Variants in PTPRS observed in about 807,000 individuals in gnomAD.
The protein encoded by PTPRS is protein tyrosine phosphatase receptor type S.
PTPRS carries 63 observed loss-of-function variants against 215.3 expected under a neutral mutation model. That is an observed-to-expected ratio of 0.29 (90% CI 0.24 to 0.36). The LOEUF is 0.36. PTPRS is among the 10% of genes least tolerant of loss of function. The probability of loss-of-function intolerance (pLI) is 1.00; values close to 1 mark genes in which losing one functional copy is unlikely to be tolerated. For synonymous variants in PTPRS, 1,404 were observed against 1,191.4 expected (o/e 1.18, Z -3.68); for missense variants, 2,258 against 2,825.8 (o/e 0.80, Z 4.56).
intron 1 of PTPRS, 25 bp downstream of exon 1, chr19:5,340,638 GA>G (rs1451491976): frequency 1.4e-5 from 2 of 141,866 alleles, no homozygotes; most frequent in East Asian, 4.2e-4. Flanking sequence ...TCTAATCCAT[GA>G]TTTTATTTTT....
intron 9 of PTPRS, among the ~76,000 whole-genome samples, chr19:5,250,683 G>T (rs1374506229): frequency 2.0e-5 from 3 of 150,444 alleles, no homozygotes; most frequent in Non-Finnish European, 3.0e-5. Flanking sequence ...GGCAGGTTGT[G>T]GGGGGTGGTC....
At position 5,220,991 on chromosome 19, in the gene PTPRS, T is replaced by G; in HGVS notation, c.3455+9A>C. ...TGACAAGGAACCCGGAGCATGGGGG[T>G]GAGCATACTGGACAGGCACGGGGCT... On this transcript the variant is annotated intron_variant, in intron 20 of 37. Transcript: ENST00000262963. 2 of 1,596,862 alleles carry G rather than the reference T, an allele frequency of 1.3e-6. No homozygotes were observed. The highest frequency in any genetic ancestry group is 1.7e-6 in the Non-Finnish European group (2 of 1,169,472).
chr19:5,297,603 T>C (rs577882194), intron 1 of PTPRS, among the ~76,000 whole-genome samples: 20 of 152,148 alleles, frequency 1.3e-4, no homozygotes, highest in Admixed American at 5.9e-4. Context: ...TAAACCACAC[T>C]GCAAGGCTGC....
intron 25 of PTPRS, among the ~76,000 whole-genome samples, chr19:5,218,176 A>G (rs1266559971): frequency 1.3e-5 from 2 of 151,104 alleles, no homozygotes; most frequent in Admixed American, 6.6e-5. Context: ...TGAAGAGGAC[A>G]GCAGCCATTG....
chr19:5,256,042 G>A, intron 9 of PTPRS, 66 bp downstream of exon 9: 1 of 1,413,094 alleles, frequency 7.1e-7, no homozygotes, highest in Non-Finnish European at 9.8e-7. Flanking sequence ...TTTTGTGTGT[G>A]TGCGTGTCAT....
At chr19:5,254,364 T>G (rs1222983672) in intron 9 of PTPRS, among the ~76,000 whole-genome samples, 11 of 151,788 alleles carry the variant, frequency 7.2e-5, no homozygotes, top group Non-Finnish European at 5.9e-5. Flanking sequence ...CAACATCGTC[T>G]AAACGGGGTA....
chr19:5,296,583 A>G (rs1206752060), intron 1 of PTPRS, among the ~76,000 whole-genome samples: 4 of 152,088 alleles, frequency 2.6e-5, no homozygotes, highest in African/African-American at 9.7e-5. Flanking sequence ...AGGTGAGAGA[A>G]AGTGAAAGAG....
intron 35 of PTPRS, 86 bp from the exon 36 acceptor site, chr19:5,208,477 T>TTTTG (rs375465291): frequency 2.2e-5 from 29 of 1,298,292 alleles, no homozygotes; most frequent in Non-Finnish European, 2.8e-5. Context: ...CACCCCCATT[T>TTTTG]TTTGTTTGTT....
chr19:5,331,998 G>A (rs76372195), intron 1 of PTPRS, among the ~76,000 whole-genome samples: 2,911 of 152,218 alleles, frequency 0.019, 88 homozygotes, highest in African/African-American at 0.066. Context: ...TGAGGCCCGC[G>A]GACGGCAATG....
intron 5 of PTPRS, 29 bp from the exon 6 acceptor site, chr19:5,263,001 AAG>A: frequency 6.5e-7 from 1 of 1,549,510 alleles, no homozygotes; most frequent in Admixed American, 1.9e-5. Flanking sequence ...AGGATAAGAA[AAG>A]AGAACAGGAA....
chr19:5,214,513 G>A (rs1266605898), intron 29 of PTPRS, 33 bp from the exon 30 acceptor site: 3 of 1,613,250 alleles, frequency 1.9e-6, no homozygotes, highest in Admixed American at 3.3e-5. Flanking sequence ...TGTCAGCAGG[G>A]ACAGGCTGAC....
At chr19:5,229,217 C>A in intron 16 of PTPRS, 99 bp downstream of exon 16, 1 of 1,239,172 alleles carries the variant, frequency 8.1e-7, no homozygotes, top group African/African-American at 1.6e-5. Context: ...AGGAGGAGAC[C>A]GTTTTACTAC....
chr19:5,277,745 C>CA, intron 2 of PTPRS: 3 of 691,554 alleles, frequency 4.3e-6, no homozygotes, highest in Non-Finnish European at 8.0e-6. Flanking sequence ...TGGCCGCCCT[C>CA]AGACTCCTCA....
intron 14 of PTPRS, among the ~76,000 whole-genome samples, chr19:5,230,589 C>A (rs374003006): frequency 1.9e-4 from 29 of 152,320 alleles, no homozygotes; most frequent in African/African-American, 6.7e-4. Flanking sequence ...TCTTGAGTAG[C>A]TGAGACTACA....
chr19:5,281,610 T>C (rs963985295), intron 2 of PTPRS, among the ~76,000 whole-genome samples: 8 of 152,200 alleles, frequency 5.3e-5, no homozygotes, highest in Admixed American at 1.3e-4. Flanking sequence ...TTGCTCCACA[T>C]TGAGGCTGGG....
rs1011499551 is a variant in PTPRS at position 5,215,699 on chromosome 19, T to C, written c.4097-104A>G. On this transcript the variant is annotated intron_variant, in intron 26 of 37. Coordinates refer to ENST00000262963, the MANE Select transcript of PTPRS (RefSeq NM_002850.4). Reference sequence around the variant, plus strand: ...GTGTGAGTCTGCGATGGGTGAGCTGTGGTTAGAAGGGCATGGCCGGGGTGG... The same window carrying C: ...GTGTGAGTCTGCGATGGGTGAGCTGCGGTTAGAAGGGCATGGCCGGGGTGG... 2.2e-5 allele frequency: 18 copies of C among 820,750 alleles called. No homozygotes were observed. The African/African-American group carries it at 2.9e-4, about 13-fold the overall frequency. 50.8% of individuals were successfully genotyped at this position (820,750 alleles called of 1,614,324 possible).
chr19:5,272,595 C>CAAAAAAAAAAAAAAAAAAAAAAAAAA lies in PTPRS; in HGVS notation c.379+821_379+846dup, dbSNP rs10527451. Among the ~76,000 whole-genome samples, 12 of 73,442 alleles carry CAAAAAAAAAAAAAAAAAAAAAAAAAA rather than the reference C, an allele frequency of 1.6e-4. 1 individual carries two copies. Among genetic ancestry groups the CAAAAAAAAAAAAAAAAAAAAAAAAAA allele is most frequent in the Admixed American group, 3.9e-4 (2 of 5,080 alleles). 48.2% of individuals were successfully genotyped at this position (73,442 alleles called of 152,430 possible). On this transcript the variant is annotated intron_variant, in intron 4 of 37. Coordinates refer to ENST00000262963, the MANE Select transcript of PTPRS (RefSeq NM_002850.4). ...CCAGCGCAACAAAGCAAGACTGTCT[C>CAAAAAAAAAAAAAAAAAAAAAAAAAA]AAAAAAAAAAAAAAAAAAAAAAAAA...
intron 1 of PTPRS, among the ~76,000 whole-genome samples, chr19:5,291,058 G>T (rs2048774115): frequency 6.6e-6 from 1 of 152,078 alleles, no homozygotes; most frequent in Non-Finnish European, 1.5e-5. Context: ...GGGAGGGGCT[G>T]GGTGGGGCTG....
chr19:5,246,852 GCT>G (rs2044532751), intron 9 of PTPRS, among the ~76,000 whole-genome samples: 1 of 152,028 alleles, frequency 6.6e-6, no homozygotes, highest in Non-Finnish European at 1.5e-5. Flanking sequence ...AATAGATGCA[GCT>G]CTGAGTCACA....
Sources: allele counts gnomAD v4.1 joint callset (sites outside exome capture counted in the v4.1 genomes callset), GRCh38; gene constraint gnomAD v4.1.1; transcripts MANE v1.5; gene names NCBI Gene and HGNC (gene_info 2026-07-23, HGNC 2026-07-21).